Variants in GALNT13 observed in about 807,000 individuals in gnomAD.
The protein encoded by GALNT13 is UDP-GalNAc:polypeptide N-acetylgalactosaminyltransferase 13.
In GALNT13, 28 loss-of-function variants were observed where a neutral mutation model predicts 64.2. The ratio of observed to expected loss-of-function variants is 0.44; its 90% CI spans 0.32 to 0.60. The LOEUF is 0.60. GALNT13 is among the 20% of genes least tolerant of loss of function. GALNT13 has a pLI of 0.05. For synonymous variants in GALNT13, 214 were observed against 224.6 expected, an observed-to-expected ratio of 0.95 and a Z score of 0.42; for missense variants, 577 against 669.8, an observed-to-expected ratio of 0.86 and a Z score of 1.53.
intron 1 of GALNT13, among the ~76,000 whole-genome samples, chr2:153,894,791 A>C (rs768069408): frequency 5.9e-5 from 9 of 152,164 alleles, no homozygotes; most frequent in Non-Finnish European, 8.8e-5. Context: ...ACACAATAAC[A>C]GAACTTAAAT....
the GALNT13 span, among the ~76,000 whole-genome samples, chr2:153,103,298 C>G: frequency 3.3e-5 from 5 of 152,184 alleles, no homozygotes; most frequent in Non-Finnish European, 7.3e-5. Context: ...ATGTCCAGCT[C>G]ATTCCCTCCT....
At chr2:154,161,038 C>T (rs993772298) in intron 4 of GALNT13, among the ~76,000 whole-genome samples, 4 of 152,082 alleles carry the variant, frequency 2.6e-5, no homozygotes, top group Non-Finnish European at 4.4e-5. Flanking sequence ...TATCTGTTAC[C>T]GCACAGTATA....
At chr2:154,234,221 C>G (rs1196095013) in intron 4 of GALNT13, among the ~76,000 whole-genome samples, 1 of 152,132 alleles carries the variant, frequency 6.6e-6, no homozygotes, top group Admixed American at 6.6e-5. Flanking sequence ...CAGAGTCCTA[C>G]TAGCAGCATA....
At chr2:154,305,471 C>T (rs1471428070) in intron 9 of GALNT13, among the ~76,000 whole-genome samples, 1 of 152,074 alleles carries the variant, frequency 6.6e-6, no homozygotes, top group African/African-American at 2.4e-5. Flanking sequence ...ACTTCCTTAA[C>T]ATGGTGAAAT....
At chr2:154,446,752 A>G (rs1240234551) in intron 12 of GALNT13, 2 of 1,522,178 alleles carry the variant, frequency 1.3e-6, no homozygotes, top group Non-Finnish European at 1.8e-6. Context: ...TACATTCTCT[A>G]ATGATTTTTG....
chr2:153,240,393 G>A, the GALNT13 span, among the ~76,000 whole-genome samples: 4 of 152,118 alleles, frequency 2.6e-5, no homozygotes, highest in South Asian at 2.1e-4. Flanking sequence ...AGTGGGCAAG[G>A]TGAACCCATA....
intron 1 of GALNT13, among the ~76,000 whole-genome samples, chr2:153,880,819 T>C (rs906524319): frequency 2.9e-4 from 42 of 146,568 alleles, no homozygotes; most frequent in African/African-American, 1.1e-3. Context: ...TCTTTTTCTT[T>C]GCTCCATATC....
the GALNT13 span, among the ~76,000 whole-genome samples, chr2:153,169,040 T>C: frequency 6.6e-6 from 1 of 151,688 alleles, no homozygotes; most frequent in East Asian, 1.9e-4. Context: ...GTTATGCCGA[T>C]AAAGGAGAAA....
chr2:154,332,879 C>A (rs1477147533), intron 9 of GALNT13, among the ~76,000 whole-genome samples: 1 of 152,114 alleles, frequency 6.6e-6, no homozygotes, highest in Non-Finnish European at 1.5e-5. Context: ...TCACTACTTT[C>A]AGTTATCTGA....
the GALNT13 span, among the ~76,000 whole-genome samples, chr2:153,832,893 A>G: frequency 6.6e-6 from 1 of 152,202 alleles, no homozygotes; most frequent in Non-Finnish European, 1.5e-5. Flanking sequence ...ATAGGCATGG[A>G]TATGTCCCAA....
the GALNT13 span, among the ~76,000 whole-genome samples, chr2:153,086,713 A>ATTTATTTTATTTTATTTTAT: frequency 1.5e-3 from 224 of 149,740 alleles, 1 homozygote; most frequent in African/African-American, 5.2e-3. Flanking sequence ...ATTTTATTTT[A>ATTTATTTTATTTTATTTTAT]TTTATTTTAT....
the GALNT13 span, among the ~76,000 whole-genome samples, chr2:153,654,024 C>G: frequency 1.3e-5 from 2 of 152,056 alleles, no homozygotes; most frequent in African/African-American, 4.8e-5. Flanking sequence ...TTGGGACAAT[C>G]ATATATATTA....
the GALNT13 span, among the ~76,000 whole-genome samples, chr2:153,071,951 G>A: frequency 1.6e-3 from 236 of 152,248 alleles, 3 homozygotes; most frequent in Admixed American, 6.3e-3. Context: ...AAGCTAGTAG[G>A]TTCAATTCAT....
chr2:154,094,442 A>G (rs1394394226), intron 3 of GALNT13, among the ~76,000 whole-genome samples: 1 of 152,068 alleles, frequency 6.6e-6, no homozygotes, highest in African/African-American at 2.4e-5. Context: ...ACAATGGGAT[A>G]TAAAATAAAT....
At chr2:154,253,942 A>G (rs1690226440) in intron 7 of GALNT13, among the ~76,000 whole-genome samples, 1 of 152,178 alleles carries the variant, frequency 6.6e-6, no homozygotes, top group Non-Finnish European at 1.5e-5. Flanking sequence ...AAATAAATAT[A>G]ATACTATATA....
chr2:153,395,207 G>T, the GALNT13 span, among the ~76,000 whole-genome samples: 1 of 152,242 alleles, frequency 6.6e-6, no homozygotes, highest in East Asian at 1.9e-4. Flanking sequence ...ACATAAATTG[G>T]TCAAGAGAGC....
At chr2:154,216,182 G>A (rs1339721105) in intron 4 of GALNT13, among the ~76,000 whole-genome samples, 3 of 151,842 alleles carry the variant, frequency 2.0e-5, no homozygotes, top group Non-Finnish European at 4.4e-5. Flanking sequence ...AAATATTAAT[G>A]CTTTATTTAG....
intron 9 of GALNT13, among the ~76,000 whole-genome samples, chr2:154,306,321 C>A (rs1396265306): frequency 6.6e-6 from 1 of 152,042 alleles, no homozygotes; most frequent in East Asian, 1.9e-4. Flanking sequence ...CCCCAACAGG[C>A]CCTGGTGTGT....
chr2:153,202,700 A>C, the GALNT13 span, among the ~76,000 whole-genome samples: 2 of 152,200 alleles, frequency 1.3e-5, no homozygotes, highest in Non-Finnish European at 2.9e-5. Context: ...GTTTTACCCG[A>C]ATTTATAAAA....
Sources: allele counts gnomAD v4.1 joint callset (sites outside exome capture counted in the v4.1 genomes callset), GRCh38; gene constraint gnomAD v4.1.1; transcripts MANE v1.5; gene names NCBI Gene and HGNC (gene_info 2026-07-23, HGNC 2026-07-21).